The following PHF14 variants were observed in gnomAD, a reference collection of about 807,000 sequenced individuals.
The protein encoded by PHF14 is PHD finger protein 14.
Under a neutral mutation model 117.9 loss-of-function variants are expected in PHF14, and 55 were observed. The ratio of observed to expected loss-of-function variants is 0.47; its 90% confidence interval spans 0.38 to 0.58. PHF14 has a LOEUF of 0.58. Among genes scored for constraint, PHF14 ranks in the 20% least tolerant of loss-of-function variants. The pLI, the probability that PHF14 is intolerant of heterozygous loss-of-function variation, is 0.00. For synonymous variants in PHF14, 409 were observed against 368.6 expected (o/e 1.11, Z -1.26); for missense variants, 978 against 1,122.2 (o/e 0.87, Z 1.84).
chr7:11,057,370 C>G (rs938131086), intron 14 of PHF14, among the ~76,000 whole-genome samples: 5 of 151,914 alleles, frequency 3.3e-5, no homozygotes, highest in Non-Finnish European at 1.5e-5. Flanking sequence ...TATTTATTTA[C>G]TTATTTTTAT....
chr7:11,018,606 CT>C (rs1230543880), intron 5 of PHF14, among the ~76,000 whole-genome samples: 1 of 152,148 alleles, frequency 6.6e-6, no homozygotes, highest in Non-Finnish European at 1.5e-5. Context: ...TCTTTTGCAA[CT>C]TTACTGAATT....
chr7:11,042,669 G>A lies in PHF14; in HGVS notation c.2181-14G>A, dbSNP rs149345622. On this transcript the variant is annotated splice_polypyrimidine_tract_variant and intron_variant, in intron 12 of 17. Transcript: ENST00000634607. The stretch of plus-strand genomic sequence containing the variant: ...ATTATTATTGAAATCTTTACTTGCT[G>A]CCTTTATTAAAAGTTGTGGGATTTG... 1.3e-4 allele frequency: 201 copies of A among 1,544,666 alleles called. 2 individuals are homozygous for A. The African/African-American group carries it at 2.5e-3, about 19-fold the overall frequency.
At chr7:11,118,987 G>A (rs1478297916) in intron 17 of PHF14, among the ~76,000 whole-genome samples, 1 of 151,656 alleles carries the variant, frequency 6.6e-6, no homozygotes, top group Non-Finnish European at 1.5e-5. Flanking sequence ...TCACTATATT[G>A]ATAATTTACA....
At chr7:11,049,509 G>C (rs1344025305) in intron 13 of PHF14, among the ~76,000 whole-genome samples, 3 of 150,258 alleles carry the variant, frequency 2.0e-5, no homozygotes, top group African/African-American at 7.3e-5. Flanking sequence ...AATTAGAACT[G>C]TTTGAGAAAC....
intron 7 of PHF14, among the ~76,000 whole-genome samples, chr7:11,032,308 A>G (rs1314579016): frequency 6.6e-6 from 1 of 152,146 alleles, no homozygotes; most frequent in Admixed American, 6.6e-5. Context: ...ATTGTATTTA[A>G]ATGTTTCTGG....
At chr7:11,131,459 A>G (rs916520114) in intron 17 of PHF14, among the ~76,000 whole-genome samples, 7 of 152,020 alleles carry the variant, frequency 4.6e-5, no homozygotes, top group African/African-American at 1.4e-4. Flanking sequence ...TTTATGAGAT[A>G]CCTATTCAGA....
chr7:11,028,381 A>G (rs986667874), intron 6 of PHF14, among the ~76,000 whole-genome samples: 3 of 152,216 alleles, frequency 2.0e-5, no homozygotes, highest in African/African-American at 4.8e-5. Context: ...CTGTCTGTAT[A>G]TGTAAAGTGC....
At chr7:11,158,023 CA>C (rs1418512475) in intron 17 of PHF14, among the ~76,000 whole-genome samples, 1 of 152,084 alleles carries the variant, frequency 6.6e-6, no homozygotes, top group East Asian at 1.9e-4. Context: ...ACCCTTTACC[CA>C]GCTTCTCTTT....
At position 10,982,419 on chromosome 7, in the gene PHF14, G is replaced by A. The variant is rs1254330471; in HGVS notation, c.160G>A (p.Gly54Arg). The A allele has an allele frequency of 1.9e-6, 3 of 1,587,110 alleles. No individual in the cohort carries two copies. Among genetic ancestry groups the A allele is most frequent in the Non-Finnish European group, 2.6e-6 (3 of 1,169,798 alleles). The change falls in exon 3 of 18, where the codon GGA becomes AGA. Residue 54 changes from glycine (G) to arginine (R), a missense_variant. By Grantham distance (125) the Gly-to-Arg change is moderately radical. Around this residue, in one of 7 missense-constraint regions of PHF14, gnomAD observed 414 missense variants for 376.4 expected, o/e 1.10. Transcript: ENST00000634607. ...NGSEDASKDS[G>R]EGSCSDSEEN... ...AAGTGAAGATGCTTCAAAGGACAGT[G>A]GAGAAGGTTCCTGTAGTGATTCTGA... is the stretch of plus-strand genomic sequence containing the variant.
At chr7:11,053,206 C>T (rs979164814) in intron 14 of PHF14, among the ~76,000 whole-genome samples, 2 of 152,036 alleles carry the variant, frequency 1.3e-5, no homozygotes, top group African/African-American at 4.8e-5. Flanking sequence ...TCTGTATTAA[C>T]CTCCTATATT....
chr7:11,053,197 C>G (rs1281290063), intron 14 of PHF14, among the ~76,000 whole-genome samples: 1 of 151,980 alleles, frequency 6.6e-6, no homozygotes, highest in Non-Finnish European at 1.5e-5. Context: ...TTTTCTTAAT[C>G]TGTATTAACC....
intron 4 of PHF14, among the ~76,000 whole-genome samples, chr7:11,012,959 T>A: frequency 6.6e-6 from 1 of 152,318 alleles, no homozygotes; most frequent in African/African-American, 2.4e-5. Context: ...ACTTTGCTTT[T>A]ACAATTGTAT....
At chr7:11,102,450 A>G (rs996275816) in intron 16 of PHF14, 1 of 1,604,154 alleles carries the variant, frequency 6.2e-7, no homozygotes, top group African/African-American at 1.3e-5. Flanking sequence ...TGATCTTTAA[A>G]TGTTAATGTT....
intron 2 of PHF14, among the ~76,000 whole-genome samples, chr7:10,981,848 A>G (rs1290228120): frequency 1.3e-5 from 2 of 152,334 alleles, no homozygotes; most frequent in East Asian, 1.9e-4. Context: ...TAAGTTGACT[A>G]TCATAAATAT....
At chr7:11,047,498 T>C (rs987961880) in intron 13 of PHF14, among the ~76,000 whole-genome samples, 4 of 151,606 alleles carry the variant, frequency 2.6e-5, no homozygotes, top group Non-Finnish European at 5.9e-5. Flanking sequence ...ATAGAAGGTA[T>C]AGAAAATTGA....
At position 11,073,618 on chromosome 7, in the gene PHF14, CA is replaced by C. The variant is rs558516460; in HGVS notation, c.2654+11535del. Among the ~76,000 whole-genome samples the C allele has an allele frequency of 3.9e-5, 6 of 152,280 alleles. No individual in the cohort carries two copies. The South Asian group carries it at 1.2e-3, about 32-fold the overall frequency. On this transcript the variant is annotated intron_variant, in intron 16 of 17. Coordinates refer to ENST00000634607, the MANE Select transcript of PHF14 (RefSeq NM_001007157.2). Reference sequence around the variant, plus strand: ...CTCTACCATTCTAAGGTCTGGAAGGCAACAGCGCCCTTCCCACAGCTCCACC... The same window carrying C: ...CTCTACCATTCTAAGGTCTGGAAGGCACAGCGCCCTTCCCACAGCTCCACC...
At chr7:11,112,238 CT>C (rs1787470247) in intron 17 of PHF14, among the ~76,000 whole-genome samples, 1 of 152,140 alleles carries the variant, frequency 6.6e-6, no homozygotes, top group Non-Finnish European at 1.5e-5. Flanking sequence ...CGAAAATTAA[CT>C]GTCTGTTGTA....
chr7:11,121,351 T>TA (rs1190365378), intron 17 of PHF14, among the ~76,000 whole-genome samples: 1 of 152,166 alleles, frequency 6.6e-6, no homozygotes, highest in Non-Finnish European at 1.5e-5. Context: ...TTACAGCATT[T>TA]ATGCAAAAGA....
chr7:11,034,971 T>C (rs1002908488), intron 7 of PHF14, among the ~76,000 whole-genome samples: 1 of 152,210 alleles, frequency 6.6e-6, no homozygotes, highest in African/African-American at 2.4e-5. Context: ...ATAACTTTAA[T>C]ATTTAATGAT....
Sources: gnomAD v4.1 joint callset for allele counts (sites outside exome capture counted in the v4.1 genomes callset) on GRCh38, gnomAD v4.1.1 for gene constraint, gnomAD v4.1.1 regional missense constraint, MANE v1.5 for transcripts, NCBI Gene and HGNC (gene_info 2026-07-23, HGNC 2026-07-21) for gene names.